The following EYA2 variants were observed in gnomAD, a reference collection of about 807,000 sequenced individuals.
EYA2 encodes protein phosphatase EYA2.
Under a neutral mutation model 69.2 loss-of-function variants are expected in EYA2, and 31 were observed. The ratio of observed to expected loss-of-function variants is 0.45; its 90% CI spans 0.34 to 0.60. EYA2 has a LOEUF of 0.60. Ranked by LOEUF, EYA2 falls within the 20% of genes least tolerant of loss-of-function variation. The probability of loss-of-function intolerance (pLI) is 0.02; values close to 1 mark genes in which losing one functional copy is unlikely to be tolerated. For missense variants in EYA2, 622 were observed against 701.2 expected (o/e 0.89, Z 1.28); for synonymous variants, 257 against 279.4 (o/e 0.92, Z 0.80).
chr20:47,179,040 A>G lies in EYA2; in HGVS notation c.1199-758A>G, dbSNP rs189161108. Among the ~76,000 whole-genome samples, 19 of 152,286 alleles carry G rather than the reference A, an allele frequency of 1.2e-4. No individual in the cohort carries two copies. The East Asian group carries it at 3.5e-3, about 28-fold the overall frequency. On this transcript the variant is annotated intron_variant, in intron 12 of 15. Coordinates refer to ENST00000327619, the MANE Select transcript of EYA2 (RefSeq NM_005244.5). ...TCATGTTAAAAGCAGAGCCCTGCACATAAGCACTCAAAAATGTTCATCATT... is the reference window on the plus strand; with the variant it reads ...TCATGTTAAAAGCAGAGCCCTGCACGTAAGCACTCAAAAATGTTCATCATT...
intron 1 of EYA2, among the ~76,000 whole-genome samples, chr20:46,939,258 AG>A (rs1986051394): frequency 6.6e-6 from 1 of 152,092 alleles, no homozygotes; most frequent in African/African-American, 2.4e-5. Flanking sequence ...GTTAAGGAAA[AG>A]GCACCATCTC....
intron 7 of EYA2, among the ~76,000 whole-genome samples, chr20:47,078,786 A>G (rs1356748438): frequency 6.6e-6 from 1 of 152,244 alleles, no homozygotes; most frequent in African/African-American, 2.4e-5. Flanking sequence ...TCTAAGATCA[A>G]CTTCCTTTGC....
chr20:47,085,645 A>C (rs931348224), intron 7 of EYA2, among the ~76,000 whole-genome samples: 1 of 142,474 alleles, frequency 7.0e-6, no homozygotes, highest in Non-Finnish European at 1.5e-5. Context: ...ACTCTGTCTC[A>C]AAAAAAAAAA....
chr20:47,146,454 G>A (rs2033701270), intron 10 of EYA2, among the ~76,000 whole-genome samples: 1 of 152,164 alleles, frequency 6.6e-6, no homozygotes, highest in Non-Finnish European at 1.5e-5. Context: ...CCTCTGGAAG[G>A]AGGATCTTAA....
chr20:47,082,492 G>A (rs1201699956), intron 7 of EYA2, among the ~76,000 whole-genome samples: 1 of 152,172 alleles, frequency 6.6e-6, no homozygotes, highest in Admixed American at 6.5e-5. Flanking sequence ...TATCAAAGAT[G>A]TGAAATACTC....
intron 15 of EYA2, among the ~76,000 whole-genome samples, chr20:47,187,349 A>G (rs1568836170): frequency 1.3e-5 from 2 of 151,572 alleles, no homozygotes; most frequent in East Asian, 1.9e-4. Flanking sequence ...AGCCTGTCTC[A>G]AAAGAAAGAA....
chr20:46,987,955 T>TCC, intron 1 of EYA2, among the ~76,000 whole-genome samples: 1 of 53,116 alleles, frequency 1.9e-5, no homozygotes, highest in East Asian at 5.4e-4. Flanking sequence ...TCTCTCTCTC[T>TCC]CTCTCTCTCT....
chr20:46,983,043 G>A (rs1377792140), intron 1 of EYA2, among the ~76,000 whole-genome samples: 1 of 152,092 alleles, frequency 6.6e-6, no homozygotes. Flanking sequence ...AAAGTGCTGG[G>A]ATTACAGATG....
intron 1 of EYA2, among the ~76,000 whole-genome samples, chr20:46,954,402 C>T (rs1042586331): frequency 6.6e-6 from 1 of 152,158 alleles, no homozygotes; most frequent in African/African-American, 2.4e-5. Flanking sequence ...AAAATAAAAT[C>T]GGTAAATTTA....
At chr20:46,958,558 T>C (rs192524643) in intron 1 of EYA2, among the ~76,000 whole-genome samples, 1 of 152,332 alleles carries the variant, frequency 6.6e-6, no homozygotes, top group Non-Finnish European at 1.5e-5. Flanking sequence ...CTCATTTTTT[T>C]AAACTGTTAA....
intron 10 of EYA2, among the ~76,000 whole-genome samples, chr20:47,156,377 G>C (rs956569159): frequency 2.0e-5 from 3 of 150,852 alleles, no homozygotes; most frequent in African/African-American, 7.3e-5. Flanking sequence ...GAGAAACAAG[G>C]TAACGCTAAA....
intron 1 of EYA2, among the ~76,000 whole-genome samples, chr20:46,989,561 C>G (rs566091025): frequency 4.9e-4 from 75 of 152,324 alleles, no homozygotes; most frequent in Non-Finnish European, 9.1e-4. Flanking sequence ...GCCACCACAC[C>G]CGGCCTGTTT....
At chr20:47,151,442 C>T (rs1278468889) in intron 10 of EYA2, among the ~76,000 whole-genome samples, 1 of 151,738 alleles carries the variant, frequency 6.6e-6, no homozygotes, top group Non-Finnish European at 1.5e-5. Flanking sequence ...TTTTCTCCTA[C>T]TCTTTTCATC....
chr20:47,141,773 C>A (rs1221171946), intron 9 of EYA2, among the ~76,000 whole-genome samples: 2 of 152,202 alleles, frequency 1.3e-5, no homozygotes, highest in African/African-American at 4.8e-5. Flanking sequence ...TGTGCACTGG[C>A]TCCTAAAAAC....
chr20:47,045,123 G>T (rs563028772), intron 5 of EYA2, among the ~76,000 whole-genome samples: 1 of 152,284 alleles, frequency 6.6e-6, no homozygotes, highest in Admixed American at 6.5e-5. Context: ...TAATGTCTTG[G>T]ATTGGCTGGG....
At chr20:47,124,885 A>AC (rs2033139462) in intron 9 of EYA2, among the ~76,000 whole-genome samples, 1 of 151,802 alleles carries the variant, frequency 6.6e-6, no homozygotes, top group Admixed American at 6.6e-5. Flanking sequence ...TAAAAAAAAA[A>AC]AAATTCTAAG....
At chr20:47,037,799 C>T (rs954289679) in intron 5 of EYA2, among the ~76,000 whole-genome samples, 2 of 152,174 alleles carry the variant, frequency 1.3e-5, no homozygotes, top group African/African-American at 4.8e-5. Flanking sequence ...GATCACCTCC[C>T]GATCTTAAGC....
chr20:46,921,236 G>A (rs1985165403), intron 1 of EYA2, among the ~76,000 whole-genome samples: 2 of 152,364 alleles, frequency 1.3e-5, no homozygotes, highest in South Asian at 4.1e-4. Flanking sequence ...AGCCTCGTAG[G>A]TGAGACCAGG....
intron 1 of EYA2, among the ~76,000 whole-genome samples, chr20:46,957,380 G>A (rs1979192836): frequency 6.6e-6 from 1 of 152,104 alleles, no homozygotes; most frequent in East Asian, 1.9e-4. Flanking sequence ...TCTTATCACT[G>A]GAAACTGTAC....
Sources: gnomAD v4.1 joint callset for allele counts (sites outside exome capture counted in the v4.1 genomes callset) on GRCh38, gnomAD v4.1.1 for gene constraint, MANE v1.5 for transcripts, NCBI Gene and HGNC (gene_info 2026-07-23, HGNC 2026-07-21) for gene names.